Variants in ADGRB3 observed in about 807,000 individuals in gnomAD.
ADGRB3 encodes the protein adhesion G protein-coupled receptor B3, also known as brain-specific angiogenesis inhibitor 3.
ADGRB3 carries 37 observed loss-of-function variants against 193.4 expected under a neutral mutation model. That is an observed-to-expected ratio of 0.19 (90% confidence interval 0.15 to 0.25). ADGRB3 has a LOEUF of 0.25. Among genes scored for constraint, ADGRB3 ranks in the 10% least tolerant of loss-of-function variants. The pLI, the probability that ADGRB3 is intolerant of heterozygous loss-of-function variation, is 1.00. For missense variants in ADGRB3, 1,637 were observed against 1,852.9 expected (o/e 0.88, Z 2.14); for synonymous variants, 690 against 644.2 (o/e 1.07, Z -1.08).
intron 3 of ADGRB3, among the ~76,000 whole-genome samples, chr6:68,748,408 GA>G (rs1461019700): frequency 1.3e-5 from 2 of 152,178 alleles, no homozygotes; most frequent in African/African-American, 4.8e-5. Context: ...CCAAATGGGA[GA>G]AATTGGTCAA....
intron 3 of ADGRB3, among the ~76,000 whole-genome samples, chr6:68,829,098 T>C (rs1479261311): frequency 0.024 from 3,167 of 130,660 alleles, 260 homozygotes; most frequent in African/African-American, 0.088. Context: ...TAACTTTTTT[T>C]TTTTTTTTTT....
chr6:69,385,400 A>G (rs1169034067), intron 31 of ADGRB3, among the ~76,000 whole-genome samples: 1 of 152,044 alleles, frequency 6.6e-6, no homozygotes, highest in Non-Finnish European at 1.5e-5. Context: ...GGACTTATCC[A>G]CAAGTGGACA....
intron 17 of ADGRB3, among the ~76,000 whole-genome samples, chr6:69,163,333 T>A (rs567191933): frequency 1.6e-4 from 25 of 152,196 alleles, no homozygotes; most frequent in African/African-American, 5.8e-4. Flanking sequence ...AAATATCTGA[T>A]TCTTTACTTT....
At chr6:68,995,596 G>A (rs1769361828) in intron 11 of ADGRB3, among the ~76,000 whole-genome samples, 4 of 152,182 alleles carry the variant, frequency 2.6e-5, no homozygotes, top group Admixed American at 2.6e-4. Flanking sequence ...TTTCATTTTA[G>A]TCTAGTCAGA....
chr6:69,256,426 G>A lies in ADGRB3; in HGVS notation c.2814+17200G>A, dbSNP rs1337255221. 2.0e-5 allele frequency among the ~76,000 whole-genome samples: 3 copies of A among 152,156 alleles called. No homozygotes were observed. The East Asian group carries it at 5.8e-4, about 29-fold the overall frequency. On this transcript the variant is annotated intron_variant, in intron 20 of 31. Transcript: ENST00000370598. ...CTTGAAGAGGTCCTTCACGTCCCTT[G>A]TAAGGTGGATTCCTAGGTATTTTAT... is the stretch of plus-strand genomic sequence containing the variant.
intron 20 of ADGRB3, among the ~76,000 whole-genome samples, chr6:69,302,834 C>T (rs1767975894): frequency 6.6e-6 from 1 of 151,940 alleles, no homozygotes; most frequent in Non-Finnish European, 1.5e-5. Flanking sequence ...ATATATTGCA[C>T]ATGTCTTCAC....
At chr6:69,312,158 G>A (rs906397691) in intron 20 of ADGRB3, among the ~76,000 whole-genome samples, 4 of 151,662 alleles carry the variant, frequency 2.6e-5, no homozygotes, top group Admixed American at 1.3e-4. Context: ...AAGAGTGAGC[G>A]ATGGCACCAA....
intron 17 of ADGRB3, among the ~76,000 whole-genome samples, chr6:69,151,797 G>A (rs551814644): frequency 2.6e-5 from 4 of 152,260 alleles, no homozygotes; most frequent in East Asian, 3.9e-4. Flanking sequence ...TGGCTGTGTC[G>A]CCATCCAAAT....
chr6:69,115,361 C>T (rs1012494591), intron 17 of ADGRB3, among the ~76,000 whole-genome samples: 2 of 152,050 alleles, frequency 1.3e-5, no homozygotes, highest in Non-Finnish European at 2.9e-5. Context: ...AAACAAACAC[C>T]GCATGTTCTC....
At chr6:68,669,083 G>A (rs1410660420) in intron 3 of ADGRB3, among the ~76,000 whole-genome samples, 1 of 151,902 alleles carries the variant, frequency 6.6e-6, no homozygotes. Context: ...TTAAAAAAAT[G>A]TGTGAGCGCA....
chr6:68,939,229 C>T (rs1767571359), intron 5 of ADGRB3, among the ~76,000 whole-genome samples: 1 of 152,086 alleles, frequency 6.6e-6, no homozygotes, highest in Admixed American at 6.6e-5. Context: ...AGTTTTTCGT[C>T]CCCATTTATG....
At chr6:69,206,318 C>T (rs1765540001) in intron 17 of ADGRB3, among the ~76,000 whole-genome samples, 1 of 151,878 alleles carries the variant, frequency 6.6e-6, no homozygotes, top group African/African-American at 2.4e-5. Flanking sequence ...AGATTGTGCC[C>T]ACCCAGATTA....
At chr6:68,933,748 A>C (rs1767410790) in intron 4 of ADGRB3, among the ~76,000 whole-genome samples, 1 of 152,218 alleles carries the variant, frequency 6.6e-6, no homozygotes, top group African/African-American at 2.4e-5. Flanking sequence ...TTTTGAAGTA[A>C]ATATAATATT....
intron 3 of ADGRB3, among the ~76,000 whole-genome samples, chr6:68,675,233 G>A (rs1409115145): frequency 5.9e-5 from 9 of 152,076 alleles, no homozygotes; most frequent in Non-Finnish European, 1.3e-4. Context: ...ACCTCTTCCA[G>A]GTTTGCATAT....
In ADGRB3 at chr6:68,943,836, G is replaced by A; in HGVS notation, c.1037G>A (p.Gly346Glu). The A allele has an allele frequency of 6.2e-7, 1 of 1,612,768 alleles. No homozygotes were observed. The highest frequency in any genetic ancestry group is 8.5e-7 in the Non-Finnish European group (1 of 1,179,104). The change falls in exon 6 of 32, where the codon GGA (glycine) becomes GAA (glutamate). Residue 346 changes from glycine (G) to glutamate (E), a missense_variant. Physicochemically the swap from Gly to Glu is moderately conservative, Grantham distance 98. Transcript: ENST00000370598. ...CTTCTTTGCTTTATTACAGTACACGGAGTATGGGAGGAATGGTCACCATGG... is the reference window on the plus strand; with the variant it reads ...CTTCTTTGCTTTATTACAGTACACGAAGTATGGGAGGAATGGTCACCATGG... ...CNNTALCPVHGVWEEWSPWSL... is the reference protein window; with the variant it reads ...CNNTALCPVHEVWEEWSPWSL...
chr6:68,680,880 G>A (rs1203764340), intron 3 of ADGRB3, among the ~76,000 whole-genome samples: 2 of 152,126 alleles, frequency 1.3e-5, no homozygotes, highest in Non-Finnish European at 2.9e-5. Context: ...AGCTTTTAAA[G>A]AAAAAACTGG....
In ADGRB3 at chr6:69,244,430, A is replaced by T. The variant is rs557007890; in HGVS notation, c.2814+5204A>T. ...CTTAACTTGGGTCAAGCACTCTCTA[A>T]TTCAACTATTTGTCCCATGACTTTC... On this transcript the variant is annotated intron_variant, in intron 20 of 31. Transcript: ENST00000370598. Among the ~76,000 whole-genome samples the T allele has an allele frequency of 4.6e-5, 7 of 152,208 alleles. No homozygotes were observed. The East Asian group carries it at 1.4e-3, about 29-fold the overall frequency.
intron 17 of ADGRB3, among the ~76,000 whole-genome samples, chr6:69,141,581 G>A (rs753015428): frequency 6.6e-6 from 1 of 151,954 alleles, no homozygotes; most frequent in Admixed American, 6.6e-5. Flanking sequence ...GTACCTAGTG[G>A]GTATGAGGAA....
At chr6:69,051,351 T>A (rs1771386887) in intron 15 of ADGRB3, among the ~76,000 whole-genome samples, 1 of 152,150 alleles carries the variant, frequency 6.6e-6, no homozygotes, top group Non-Finnish European at 1.5e-5. Context: ...CCTTCAGAAA[T>A]TATATTTTCA....
Sources: gnomAD v4.1 joint callset for allele counts (sites outside exome capture counted in the v4.1 genomes callset) on GRCh38, gnomAD v4.1.1 for gene constraint, MANE v1.5 for transcripts, NCBI Gene and HGNC (gene_info 2026-07-23, HGNC 2026-07-21) for gene names.